CDC42: variants seen among roughly 807,000 people sequenced by gnomAD.
CDC42 encodes the protein cell division control protein 42 homolog.
In CDC42, 1 loss-of-function variant was observed where a neutral mutation model predicts 20.8. That is an observed-to-expected ratio of 0.05 (90% CI 0.02 to 0.23). The LOEUF (loss-of-function observed/expected upper bound fraction) is 0.23, where lower values mean the gene tolerates loss of function less well. Among genes scored for constraint, CDC42 ranks in the 10% least tolerant of loss-of-function variants. The pLI is 1.00. For synonymous variants in CDC42, 72 were observed against 84.8 expected, an observed-to-expected ratio of 0.85 and a Z score of 0.83; for missense variants, 49 against 227.9, an observed-to-expected ratio of 0.21 and a Z score of 5.05.
intron 1 of CDC42, among the ~76,000 whole-genome samples, chr1:22,063,033 T>TG (rs1429626155): frequency 6.6e-6 from 1 of 152,164 alleles, no homozygotes; most frequent in African/African-American, 2.4e-5. Flanking sequence ...CCTAAAACAC[T>TG]GTTCATGGAT....
rs1645741777 is a variant in CDC42, at chr1:22,094,311, T to TCCTTCA, written c.*2794_*2795insCCTTCA. On this transcript the variant is annotated 3_prime_UTR_variant, in exon 6 of 6. Coordinates refer to ENST00000656825, the MANE Select transcript of CDC42 (RefSeq NM_001791.4). ...AGAAATAGATTTTTTTTTTTTTTTT[T>TCCTTCA]TTTTGAGACGGAGTCTCGCTCTGTC... 1.2e-5 allele frequency among the ~76,000 whole-genome samples: 1 copy of TCCTTCA among 83,532 alleles called. No individual in the cohort carries two copies. The highest frequency in any genetic ancestry group is 4.9e-5 in the African/African-American group (1 of 20,344). 54.8% of individuals were successfully genotyped at this position (83,532 alleles called of 152,430 possible).
chr1:22,071,344 G>A (rs949435499), intron 1 of CDC42, among the ~76,000 whole-genome samples: 6 of 152,092 alleles, frequency 3.9e-5, no homozygotes, highest in Middle Eastern at 3.4e-3. Flanking sequence ...GCACCCGGTC[G>A]GAACAAGCAT....
rs576441988 is a variant in CDC42, at chr1:22,057,884, C to T, written c.-51+5142C>T. Among the ~76,000 whole-genome samples the T allele has an allele frequency of 1.4e-4, 21 of 151,852 alleles. No individual in the cohort carries two copies. The Middle Eastern group carries it at 0.017, about 123-fold the overall frequency. ...GATTACAGGTGTCCGCCACCACACC[C>T]GGGTAATTTTCGTATTTTTAGTAGA... On this transcript the variant is annotated intron_variant, in intron 1 of 5. Coordinates refer to ENST00000656825, the MANE Select transcript of CDC42 (RefSeq NM_001791.4).
chr1:22,066,531 C>T (rs1645425550), intron 1 of CDC42, among the ~76,000 whole-genome samples: 2 of 152,072 alleles, frequency 1.3e-5, no homozygotes, highest in South Asian at 4.1e-4. Context: ...ATGGAGATTT[C>T]CTTATTTTTA....
chr1:22,059,509 C>A (rs764866473), intron 1 of CDC42: 1 of 151,884 alleles, frequency 6.6e-6, no homozygotes, highest in Non-Finnish European at 1.5e-5. Context: ...GAACCAAAAT[C>A]ATCTTTTTCA....
Position 22,091,420 on chromosome 1 carries a change from C to T in CDC42, c.487-8C>T. On this transcript the variant is annotated splice_region_variant and splice_polypyrimidine_tract_variant and intron_variant, in intron 5 of 5. Transcript: ENST00000656825. ...GACCGCCCATTTTTTCTTTCTACCC[C>T]TTTTCAGAAAGGCCTAAAGAATGTA... 2 of 1,599,006 alleles carry T rather than the reference C, an allele frequency of 1.3e-6. No homozygotes were observed. Among genetic ancestry groups the T allele is most frequent in the Non-Finnish European group, 8.5e-7 (1 of 1,170,698 alleles).
In CDC42 at chr1:22,053,260, G is replaced by A. The variant is rs904674398; in HGVS notation, c.-51+518G>A. ...GCGCCGCCGCGGACATTTTGCGGCG[G>A]GGGTGGGGGGGCGGGGGAGGGGAGT... On this transcript the variant is annotated intron_variant, in intron 1 of 5. Coordinates refer to ENST00000656825, the MANE Select transcript of CDC42 (RefSeq NM_001791.4). The A allele has an allele frequency of 2.7e-3, 414 of 151,640 alleles. 4 individuals carry two copies. The highest frequency in any genetic ancestry group is 9.4e-3 in the African/African-American group (389 of 41,448). The allele number at this position is 151,640 out of a possible 1,614,324, so 9.4% of individuals were successfully genotyped here.
Position 22,094,696 on chromosome 1 carries a change from G to A in CDC42, c.*3179G>A, listed in dbSNP as rs1055214477. Among the ~76,000 whole-genome samples, 5 of 152,172 alleles carry A rather than the reference G, an allele frequency of 3.3e-5. No individual in the cohort carries two copies. The highest frequency in any genetic ancestry group is 7.4e-5 in the Non-Finnish European group (5 of 68,020). On this transcript the variant is annotated 3_prime_UTR_variant, in exon 6 of 6. Coordinates refer to ENST00000656825, the MANE Select transcript of CDC42 (RefSeq NM_001791.4). ...GGAAGAAAAGGATTGTGGTTTAAAA[G>A]AACAATTGTAATATTTCCTTCATTC...
chr1:22,073,197 A>G (rs931998901), intron 1 of CDC42, among the ~76,000 whole-genome samples: 10 of 152,172 alleles, frequency 6.6e-5, no homozygotes, highest in East Asian at 1.9e-4. Flanking sequence ...TTCAGGTGCT[A>G]TAGCTCTGAG....
At chr1:22,081,604 G>T in intron 2 of CDC42, 118 bp from the exon 3 acceptor site, 1 of 649,708 alleles carries the variant, frequency 1.5e-6, no homozygotes, top group Non-Finnish European at 2.7e-6. Context: ...AAGGATGATG[G>T]ATGGACTAGG....
rs200253087 is a variant in CDC42, at chr1:22,095,935, A to AT, written c.*4425dup. 6.6e-6 allele frequency among the ~76,000 whole-genome samples: 1 copy of AT among 151,894 alleles called. No homozygotes were observed. Among genetic ancestry groups the AT allele is most frequent in the African/African-American group, 2.4e-5 (1 of 41,276 alleles). ...GATCCCAAGTCAGTGCTATTCATTC[A>AT]TTTTTTTAAAAAAATTTATTTATTT... On this transcript the variant is annotated 3_prime_UTR_variant, in exon 6 of 6. Transcript: ENST00000656825.
chr1:22,087,129 C>T (rs1021924239), intron 5 of CDC42, among the ~76,000 whole-genome samples: 3 of 151,934 alleles, frequency 2.0e-5, no homozygotes, highest in African/African-American at 7.3e-5. Flanking sequence ...AAACAAAAAC[C>T]TTACAGGAAA....
rs967844249 is a variant in CDC42, at chr1:22,093,692, G to T, written c.*2175G>T. The stretch of plus-strand genomic sequence containing the variant: ...GAAGAGGCAGATGTAAGCTTTAACA[G>T]TTCTAACCAAGAAATGCATCTTATT... On this transcript the variant is annotated 3_prime_UTR_variant, in exon 6 of 6. Transcript: ENST00000656825. Among the ~76,000 whole-genome samples the T allele has an allele frequency of 6.6e-6, 1 of 152,168 alleles. No homozygotes were observed. The highest frequency in any genetic ancestry group is 1.5e-5 in the Non-Finnish European group (1 of 68,012).
At chr1:22,070,493 T>A (rs1193123090) in intron 1 of CDC42, among the ~76,000 whole-genome samples, 1 of 130,554 alleles carries the variant, frequency 7.7e-6, no homozygotes, top group Admixed American at 9.0e-5. Flanking sequence ...AGACAGAGTC[T>A]CGCTCTGTTG....
Position 22,096,703 on chromosome 1 carries a change from A to G in CDC42, c.*5186A>G, listed in dbSNP as rs1278786194. On this transcript the variant is annotated 3_prime_UTR_variant, in exon 6 of 6. Coordinates refer to ENST00000656825, the MANE Select transcript of CDC42 (RefSeq NM_001791.4). ...TGGTCAGTTGGAACCCCTGATGGGT[A>G]TCTGGGCCACTGCCCAGGCCACACA... Among the ~76,000 whole-genome samples the G allele has an allele frequency of 6.6e-6, 1 of 152,254 alleles. No homozygotes were observed. The highest frequency in any genetic ancestry group is 1.5e-5 in the Non-Finnish European group (1 of 68,044).
chr1:22,096,578 G>A lies in CDC42; in HGVS notation c.*5061G>A, dbSNP rs899035340. 6.6e-6 allele frequency among the ~76,000 whole-genome samples: 1 copy of A among 152,194 alleles called. No individual in the cohort carries two copies. The highest frequency in any genetic ancestry group is 2.4e-5 in the African/African-American group (1 of 41,460). ...TTGGAGAATGACAGTCTCAAGCAGT[G>A]CAGAGATGTAAGCAGGCAGAGGTAA... On this transcript the variant is annotated 3_prime_UTR_variant, in exon 6 of 6. Transcript: ENST00000656825.
chr1:22,091,778 T>C lies in CDC42; in HGVS notation c.*261T>C, dbSNP rs199697321. 1 of 150,938 alleles carries C rather than the reference T, an allele frequency of 6.6e-6. No homozygotes were observed. Among genetic ancestry groups the C allele is most frequent in the Admixed American group, 1.0e-4 (1 of 9,846 alleles). The allele number at this position is 150,938 out of a possible 1,614,324, so 9.3% of individuals were successfully genotyped here. A position where few individuals can be genotyped will look rare whatever the true frequency, so the allele number is the denominator to read the frequency against. ...TTTTTTTGTTGTTTCAAAAAAAAAA[T>C]TTTTGTGTGTGTGTGTTTTTTTTTT... On this transcript the variant is annotated 3_prime_UTR_variant, in exon 6 of 6. Transcript: ENST00000656825.
intron 1 of CDC42, chr1:22,063,848 G>A (rs1287604211): frequency 6.6e-6 from 1 of 152,058 alleles, no homozygotes; most frequent in African/African-American, 2.4e-5. Context: ...AGCCTCCCGA[G>A]TAGCTGGGAT....
At chr1:22,062,455 C>T (rs565765233) in intron 1 of CDC42, among the ~76,000 whole-genome samples, 1 of 152,200 alleles carries the variant, frequency 6.6e-6, no homozygotes, top group Admixed American at 6.5e-5. Context: ...CTGCAAATGT[C>T]TGCTTGTTTA....
Sources: gnomAD v4.1 joint callset for allele counts (sites outside exome capture counted in the v4.1 genomes callset) on GRCh38, gnomAD v4.1.1 for gene constraint, MANE v1.5 for transcripts, NCBI Gene and HGNC (gene_info 2026-07-23, HGNC 2026-07-21) for gene names.